The following GTF3C5 variants were observed in gnomAD, a reference collection of about 807,000 sequenced individuals.
GTF3C5 encodes general transcription factor 3C polypeptide 5.
In GTF3C5, 47 loss-of-function variants were observed where a neutral mutation model predicts 61.0. The ratio of observed to expected loss-of-function variants is 0.77; its 90% CI spans 0.61 to 0.98. The LOEUF (loss-of-function observed/expected upper bound fraction) is 0.98. Ranked by LOEUF, GTF3C5 falls within the 50% of genes least tolerant of loss-of-function variation. The pLI is 0.00. For synonymous variants in GTF3C5, 295 were observed against 275.4 expected, an observed-to-expected ratio of 1.07 and a Z score of -0.71; for missense variants, 659 against 703.3, an observed-to-expected ratio of 0.94 and a Z score of 0.71.
chr9:133,034,001 G>A (rs1849800226), intron 1 of GTF3C5, among the ~76,000 whole-genome samples: 1 of 152,166 alleles, frequency 6.6e-6, no homozygotes, highest in Non-Finnish European at 1.5e-5. Context: ...TTTAACCGCC[G>A]ATGGTCCAGT....
intron 1 of GTF3C5, among the ~76,000 whole-genome samples, chr9:133,036,536 A>G (rs924419555): frequency 6.6e-5 from 10 of 152,166 alleles, no homozygotes; most frequent in Admixed American, 6.5e-4. Context: ...TTCTTGAGTA[A>G]GTACCCCTAA....
At chr9:133,042,544 A>G (rs1441348463) in intron 2 of GTF3C5, among the ~76,000 whole-genome samples, 1 of 152,188 alleles carries the variant, frequency 6.6e-6, no homozygotes, top group Non-Finnish European at 1.5e-5. Context: ...TAAGCTAGAA[A>G]TCTCCTAATT....
chr9:133,035,121 G>A (rs946827296), intron 1 of GTF3C5, among the ~76,000 whole-genome samples: 1 of 152,140 alleles, frequency 6.6e-6, no homozygotes. Context: ...GACGGCATGT[G>A]CAGTGAAATG....
intron 5 of GTF3C5, among the ~76,000 whole-genome samples, chr9:133,052,745 C>T (rs918202806): frequency 6.9e-4 from 105 of 152,346 alleles, no homozygotes; most frequent in African/African-American, 2.5e-3. Context: ...CAGTAGGACA[C>T]AAGAAAGACT....
chr9:133,055,326 C>T (rs1829904286), intron 8 of GTF3C5: 1 of 1,362,458 alleles, frequency 7.3e-7, no homozygotes, highest in Non-Finnish European at 9.6e-7. Flanking sequence ...AAGGGGGCAT[C>T]CCGCACGGTG....
At chr9:133,049,844 C>T (rs1488593549) in intron 3 of GTF3C5, among the ~76,000 whole-genome samples, 1 of 151,670 alleles carries the variant, frequency 6.6e-6, no homozygotes, top group Non-Finnish European at 1.5e-5. Flanking sequence ...TTCTCCTATG[C>T]CCCCCAGCCA....
At chr9:133,038,519 C>T (rs1386304709) in intron 1 of GTF3C5, among the ~76,000 whole-genome samples, 12 of 149,186 alleles carry the variant, frequency 8.0e-5, no homozygotes, top group African/African-American at 2.7e-4. Flanking sequence ...GGCGCGATCT[C>T]GGCTCACTGT....
At chr9:133,044,055 G>T in intron 3 of GTF3C5, 129 bp downstream of exon 3, 3 of 572,358 alleles carry the variant, frequency 5.2e-6, no homozygotes, top group Non-Finnish European at 5.9e-6. Context: ...TGAGGCTGGA[G>T]AATCACTTGA....
chr9:133,054,671 C>T, intron 7 of GTF3C5, 41 bp from the exon 8 acceptor site: 1 of 1,519,314 alleles, frequency 6.6e-7, no homozygotes, highest in Non-Finnish European at 8.9e-7. Context: ...CACCTCCTCC[C>T]CACCCTGCAC....
chr9:133,033,815 G>A (rs1849794130), intron 1 of GTF3C5, among the ~76,000 whole-genome samples: 1 of 152,198 alleles, frequency 6.6e-6, no homozygotes, highest in African/African-American at 2.4e-5. Flanking sequence ...CCAGGCGTTT[G>A]CATCTCAGTA....
At chr9:133,030,776 A>G (rs1056785701), upstream of GTF3C5, 19 of 628,112 alleles carry the variant, frequency 3.0e-5, no homozygotes, top group Admixed American at 1.6e-4. Flanking sequence ...CCGGTGGACT[A>G]ACTCGCTTAA....
intron 3 of GTF3C5, 53 bp from the exon 4 acceptor site, chr9:133,050,730 G>A: frequency 7.3e-7 from 1 of 1,367,744 alleles, no homozygotes; most frequent in Non-Finnish European, 1.0e-6. Flanking sequence ...GGCCCAGCGG[G>A]TGCCTGGGAT....
intron 3 of GTF3C5, among the ~76,000 whole-genome samples, chr9:133,045,388 C>T (rs974845403): frequency 2.0e-5 from 3 of 152,192 alleles, no homozygotes; most frequent in African/African-American, 7.2e-5. Context: ...CCAGTGCCAA[C>T]GGTGTCCTGA....
At chr9:133,056,559 TGTG>T (rs1254711935) in intron 9 of GTF3C5, among the ~76,000 whole-genome samples, 3 of 152,210 alleles carry the variant, frequency 2.0e-5, no homozygotes, top group African/African-American at 7.2e-5. Flanking sequence ...GCCAGCTTCA[TGTG>T]TGTGAGGCGG....
In GTF3C5 at chr9:133,037,321, C is replaced by T. The variant is rs554872755; in HGVS notation, c.154-4766C>T. On this transcript the variant is annotated intron_variant, in intron 1 of 10. Coordinates refer to ENST00000372097, the MANE Select transcript of GTF3C5 (RefSeq NM_012087.4). ...AGTCTGGAATATCTGGCTGATGGCC[C>T]AGAGGCCTTGCACTAGTCAGTATGA... Among the ~76,000 whole-genome samples, 6 of 152,258 alleles carry T rather than the reference C, an allele frequency of 3.9e-5. No homozygotes were observed. In the East Asian group the frequency reaches 9.6e-4, roughly 24 times the overall value.
intron 5 of GTF3C5, among the ~76,000 whole-genome samples, chr9:133,052,459 AG>A (rs1306302834): frequency 6.8e-6 from 1 of 146,182 alleles, no homozygotes. Context: ...AAAGCCAGCT[AG>A]AAAAGTTTCA....
chr9:133,040,162 C>G (rs533344766), intron 1 of GTF3C5, among the ~76,000 whole-genome samples: 4 of 152,326 alleles, frequency 2.6e-5, no homozygotes, highest in African/African-American at 7.2e-5. Context: ...TTGAGCACCT[C>G]CCCTGTGCCA....
At position 133,031,082 on chromosome 9, in the gene GTF3C5, T is replaced by G; in HGVS notation, c.71T>G (p.Met24Arg). ...GTGGAGCTGAGGCGGGAGCGACGCATGGTGTGCGTGGAGTACCCGGGAGTG... is the reference window on the plus strand; with the variant it reads ...GTGGAGCTGAGGCGGGAGCGACGCAGGGTGTGCGTGGAGTACCCGGGAGTG... ...VPVELRRERR[M>R]VCVEYPGVVR... is the part of the protein sequence containing the mutation. Residue 24 changes from methionine to arginine, a missense_variant, in exon 1 of 11, where the codon ATG becomes AGG. Physicochemically the swap from Met to Arg is moderately conservative, Grantham distance 91. Coordinates refer to ENST00000372097, the MANE Select transcript of GTF3C5 (RefSeq NM_012087.4). 6.2e-7 allele frequency: 1 copy of G among 1,609,412 alleles called. No homozygotes were observed. Among genetic ancestry groups the G allele is most frequent in the Non-Finnish European group, 8.5e-7 (1 of 1,177,738 alleles).
Position 133,054,390 on chromosome 9 carries a change from G to T in GTF3C5, c.989-18G>T. The T allele has an allele frequency of 6.2e-7, 1 of 1,608,554 alleles. No homozygotes were observed. The highest frequency in any genetic ancestry group is 8.5e-7 in the Non-Finnish European group (1 of 1,175,186). ...GGCCCTGTGCCCGCCCACCTGACTT[G>T]CCCGCCCTCGCCTACAGGTTACGCC... On this transcript the variant is annotated intron_variant, in intron 6 of 10. Coordinates refer to ENST00000372097, the MANE Select transcript of GTF3C5 (RefSeq NM_012087.4).
Sources: allele counts gnomAD v4.1 joint callset (sites outside exome capture counted in the v4.1 genomes callset), GRCh38; gene constraint gnomAD v4.1.1; transcripts MANE v1.5; gene names NCBI Gene and HGNC (gene_info 2026-07-23, HGNC 2026-07-21).